CFAP43: variants seen among roughly 807,000 people sequenced by gnomAD.
CFAP43 encodes cilia and flagella associated protein 43, also known as cilia- and flagella-associated protein 43.
Under a neutral mutation model 218.9 loss-of-function variants are expected in CFAP43, and 155 were observed. The ratio of observed to expected loss-of-function variants is 0.71; its 90% CI spans 0.62 to 0.81. The LOEUF (loss-of-function observed/expected upper bound fraction) is 0.81. CFAP43 is among the 30% of genes least tolerant of loss of function. The pLI is 0.00. For missense variants in CFAP43, 1,778 were observed against 1,954.3 expected (o/e 0.91, Z 1.70); for synonymous variants, 645 against 681.3 (o/e 0.95, Z 0.83).
chr10:104,220,148 G>T (rs534169229), intron 3 of CFAP43, among the ~76,000 whole-genome samples: 16 of 152,184 alleles, frequency 1.1e-4, no homozygotes, highest in Non-Finnish European at 2.1e-4. Context: ...GCAGAGATCT[G>T]GGTGATGTGT....
At position 104,207,972 on chromosome 10, in the gene CFAP43, T is replaced by C. The variant is rs952888946; in HGVS notation, c.736-148A>G. ...GAACATTGAGCATTCATCATAATAA[T>C]TTTTTTTAAGGACAGACTGACTTTA... On this transcript the variant is annotated intron_variant, in intron 5 of 37. Coordinates refer to ENST00000357060, the MANE Select transcript of CFAP43 (RefSeq NM_025145.7). 2.1e-5 allele frequency: 15 copies of C among 701,252 alleles called. No homozygotes were observed. The East Asian group carries it at 3.8e-4, about 18-fold the overall frequency. 43.4% of individuals were successfully genotyped at this position (701,252 alleles called of 1,614,324 possible). A position where few individuals can be genotyped will look rare whatever the true frequency, so the allele number is the denominator to read the frequency against.
rs34704967 is a variant in CFAP43 at position 104,215,136 on chromosome 10, AAAATAAAT to A, written c.417-718_417-711del. 7.0e-3 allele frequency among the ~76,000 whole-genome samples: 1,018 copies of A among 146,458 alleles called. 6 individuals are homozygous for A. Among genetic ancestry groups the A allele is most frequent in the East Asian group, 0.014 (71 of 5,082 alleles). ...GGCAACAGAGCAAGACTCCATCTCA[AAAATAAAT>A]AAATAAATAAATAAATAAATAAATA... On this transcript the variant is annotated intron_variant, in intron 3 of 37. Coordinates refer to ENST00000357060, the MANE Select transcript of CFAP43 (RefSeq NM_025145.7).
rs769801495 is a variant in CFAP43 at position 104,185,963 on chromosome 10, A to T, written c.2010+11T>A. ...ACACCCACAATATTTTTTTTTAAGA[A>T]AGCAGCTTACCAAAGTATAAACGTC... On this transcript the variant is annotated intron_variant, in intron 15 of 37. Transcript: ENST00000357060. The T allele has an allele frequency of 6.2e-7, 1 of 1,606,654 alleles. No individual in the cohort carries two copies. Among genetic ancestry groups the T allele is most frequent in the East Asian group, 2.2e-5 (1 of 44,714 alleles).
At chr10:104,184,794 C>T (rs186543285) in intron 16 of CFAP43, among the ~76,000 whole-genome samples, 257 of 152,244 alleles carry the variant, frequency 1.7e-3, no homozygotes, top group African/African-American at 5.8e-3. Flanking sequence ...ATCTCATCCA[C>T]GTTTTCCTCC....
At position 104,131,313 on chromosome 10, in the gene CFAP43, A is replaced by G. The variant is rs1206739594; in HGVS notation, c.4831+18T>C. ...TAAAGAAACCTACAGTTGGTTAAAG[A>G]AAAAAAAGCATGCTTACCCATTGCA... On this transcript the variant is annotated intron_variant, in intron 37 of 37. Transcript: ENST00000357060. 1.3e-6 allele frequency: 2 copies of G among 1,594,166 alleles called. No homozygotes were observed. Among genetic ancestry groups the G allele is most frequent in the African/African-American group, 1.4e-5 (1 of 73,424 alleles).
Position 104,197,049 on chromosome 10 carries a change from C to A in CFAP43, c.1213-116G>T, listed in dbSNP as rs150833636. 3.8e-3 allele frequency: 2,654 copies of A among 704,592 alleles called. 41 individuals are homozygous for A. In the African/African-American group the frequency reaches 0.044, roughly 12 times the overall value. The allele number at this position is 704,592 out of a possible 1,614,324, so 43.6% of individuals were successfully genotyped here. On this transcript the variant is annotated intron_variant, in intron 9 of 37. Coordinates refer to ENST00000357060, the MANE Select transcript of CFAP43 (RefSeq NM_025145.7). ...TTAGTATAAAATTTCATTTTACTTA[C>A]GTGGATTATAAATACTTATTTTATC...
Position 104,130,189 on chromosome 10 carries a change from C to T in CFAP43, c.4948G>A (p.Glu1650Lys), listed in dbSNP as rs1433753354. ...GTTTTCATTCTTAATCTTTCAACTT[C>T]AGTCTGTAGTATTGAAATCTGTTCA... ...QAEQISILQT[E>K]VERLRMKTFP... Residue 1650 changes from glutamate (E) to lysine (K), a missense_variant, in exon 38 of 38, where the codon GAA becomes AAA. Physicochemically the swap from Glu to Lys is moderately conservative, Grantham distance 56. Transcript: ENST00000357060. The T allele has an allele frequency of 1.2e-6, 2 of 1,607,630 alleles. No individual in the cohort carries two copies. The highest frequency in any genetic ancestry group is 1.3e-5 in the African/African-American group (1 of 74,622).
rs141268236 is a variant in CFAP43 at position 104,193,883 on chromosome 10, C to T, written c.1425G>A (p.Ser475=). The T allele has an allele frequency of 6.8e-6, 11 of 1,613,896 alleles. No individual in the cohort carries two copies. Among genetic ancestry groups the T allele is most frequent in the East Asian group, 4.5e-5 (2 of 44,888 alleles). Residue 475 remains serine (S), a synonymous_variant, in exon 11 of 38, where the codon TCG becomes TCA. Transcript: ENST00000357060. ...QVVHKAFLSE[S]SVQHVVYDQQ... ...GGACTTACACGACGTGCTGCACGGA[C>T]GATTCCGAGAGAAAGGCCTTGTGCA...
At chr10:104,197,288 A>C (rs927538158) in intron 9 of CFAP43, among the ~76,000 whole-genome samples, 1 of 152,176 alleles carries the variant, frequency 6.6e-6, no homozygotes, top group African/African-American at 2.4e-5. Context: ...AATTACTAGA[A>C]CTTATTTTTT....
intron 27 of CFAP43, among the ~76,000 whole-genome samples, chr10:104,158,680 G>T (rs376524529): frequency 1.3e-5 from 2 of 152,088 alleles, no homozygotes; most frequent in South Asian, 2.1e-4. Context: ...GGACAACAGG[G>T]TAATCTGAAT....
At position 104,167,845 on chromosome 10, in the gene CFAP43, T is replaced by A. The variant is rs573052481; in HGVS notation, c.2692-108A>T. ...GTGATTAAAATTAACCCATAGGTTA[T>A]CATGTGTTAGTAAAATTGACAATGG... On this transcript the variant is annotated intron_variant, in intron 21 of 37. Coordinates refer to ENST00000357060, the MANE Select transcript of CFAP43 (RefSeq NM_025145.7). The A allele has an allele frequency of 8.6e-6, 6 of 696,216 alleles. No homozygotes were observed. The Admixed American group carries it at 1.7e-4, about 19-fold the overall frequency. The allele number at this position is 696,216 out of a possible 1,614,324, so 43.1% of individuals were successfully genotyped here.
intron 27 of CFAP43, among the ~76,000 whole-genome samples, chr10:104,157,088 A>C (rs1370161014): frequency 6.6e-6 from 1 of 152,252 alleles, no homozygotes; most frequent in African/African-American, 2.4e-5. Context: ...AGATATCTTA[A>C]AGCTGAAAAC....
At chr10:104,198,410 T>C (rs576238821) in intron 8 of CFAP43, among the ~76,000 whole-genome samples, 25 of 152,114 alleles carry the variant, frequency 1.6e-4, no homozygotes, top group African/African-American at 6.0e-4. Context: ...GCCTCCTGAG[T>C]AGCTGGGATT....
At chr10:104,230,889 CTTT>C in intron 1 of CFAP43, 46 bp from the exon 2 acceptor site, 4 of 1,236,820 alleles carry the variant, frequency 3.2e-6, no homozygotes, top group Non-Finnish European at 4.3e-6. Flanking sequence ...ATTTCAAATA[CTTT>C]TTTTTTTTTA....
intron 20 of CFAP43, among the ~76,000 whole-genome samples, chr10:104,170,516 G>A (rs960915569): frequency 1.3e-5 from 2 of 152,158 alleles, no homozygotes; most frequent in African/African-American, 4.8e-5. Flanking sequence ...TGGTCAAGAT[G>A]AGTGGGCTGG....
At chr10:104,214,566 T>G in intron 3 of CFAP43, 140 bp from the exon 4 acceptor site, 1 of 744,232 alleles carries the variant, frequency 1.3e-6, no homozygotes, top group Non-Finnish European at 2.0e-6. Flanking sequence ...AATGTCAAAT[T>G]TATAAATAAT....
chr10:104,202,898 G>A (rs2090575474), intron 8 of CFAP43, among the ~76,000 whole-genome samples: 1 of 151,412 alleles, frequency 6.6e-6, no homozygotes, highest in African/African-American at 2.4e-5. Context: ...TTTCTTTCAG[G>A]CAGAAAGTCA....
intron 34 of CFAP43, 136 bp downstream of exon 34, chr10:104,140,706 G>T: frequency 1.6e-6 from 1 of 617,380 alleles, no homozygotes; most frequent in Non-Finnish European, 2.7e-6. Flanking sequence ...CCAGCTACTT[G>T]GGAGGTGAAG....
chr10:104,205,077 G>C (rs1449057349), intron 7 of CFAP43, among the ~76,000 whole-genome samples: 1 of 151,934 alleles, frequency 6.6e-6, no homozygotes, highest in Non-Finnish European at 1.5e-5. Flanking sequence ...GCAGGGCGTG[G>C]TGGTGTGCAC....
Sources: gnomAD v4.1 joint callset for allele counts (sites outside exome capture counted in the v4.1 genomes callset) on GRCh38, gnomAD v4.1.1 for gene constraint, MANE v1.5 for transcripts, NCBI Gene and HGNC (gene_info 2026-07-23, HGNC 2026-07-21) for gene names.